The following KRT79 variants were observed in gnomAD, a reference collection of about 807,000 sequenced individuals.
The protein encoded by KRT79 is keratin 79.
KRT79 carries 51 observed loss-of-function variants against 49.0 expected under a neutral mutation model. The observed-to-expected ratio is 1.04, with a 90% CI of 0.83 to 1.31. The LOEUF (loss-of-function observed/expected upper bound fraction) is 1.31, where lower values mean the gene tolerates loss of function less well. KRT79 is among the 40% of genes most tolerant of loss of function. The pLI, the probability that KRT79 is intolerant of heterozygous loss-of-function variation, is 0.00. For missense variants in KRT79, 728 were observed against 688.0 expected, an observed-to-expected ratio of 1.06 and a Z score of -0.65; for synonymous variants, 312 against 286.6, an observed-to-expected ratio of 1.09 and a Z score of -0.90.
At chr12:52,825,755 T>C (rs1940167286) in intron 4 of KRT79, among the ~76,000 whole-genome samples, 1 of 152,112 alleles carries the variant, frequency 6.6e-6, no homozygotes, top group Non-Finnish European at 1.5e-5. Context: ...TGGGAAGATA[T>C]GAGTTTTGGA....
At position 52,823,043 on chromosome 12, in the gene KRT79, C is replaced by A. The variant is rs764247530; in HGVS notation, c.1340G>T (p.Arg447Leu). Residue 447 changes from arginine to leucine, a missense_variant, in exon 7 of 9, where the codon CGC becomes CTC. Transcript: ENST00000330553. The part of the protein sequence containing the change: ...LALDVEIATY[R>L]KLLESEESRM... Reference sequence around the variant, plus strand: ...GCTCTCCTCGCTCTCCAGAAGCTTGCGGTAGGTGGCAATCTCCACGTCCAG... The same window carrying A: ...GCTCTCCTCGCTCTCCAGAAGCTTGAGGTAGGTGGCAATCTCCACGTCCAG... 5 of 1,614,096 alleles carry A rather than the reference C, an allele frequency of 3.1e-6. No individual in the cohort carries two copies. The highest frequency in any genetic ancestry group is 1.7e-5 in the Admixed American group (1 of 60,010).
chr12:52,829,536 T>C (rs927407669), intron 4 of KRT79, among the ~76,000 whole-genome samples: 4 of 152,224 alleles, frequency 2.6e-5, no homozygotes, highest in Non-Finnish European at 1.5e-5. Flanking sequence ...GAGAAGATTA[T>C]GTTAAAAGTT....
rs775607261 is a variant in KRT79, at chr12:52,823,009, C to A, written c.1367+7G>T. On this transcript the variant is annotated splice_region_variant and intron_variant, in intron 7 of 8. Coordinates refer to ENST00000330553, the MANE Select transcript of KRT79 (RefSeq NM_175834.3). The stretch of plus-strand genomic sequence containing the variant: ...AGCTTTCTGGGTCGGGCAGGAGGGG[C>A]CACCACCTGCTCTCCTCGCTCTCCA... The A allele has an allele frequency of 1.9e-6, 3 of 1,613,104 alleles. No homozygotes were observed. The highest frequency in any genetic ancestry group is 2.5e-6 in the Non-Finnish European group (3 of 1,179,802).
At chr12:52,822,443 T>C (rs1230682245) in intron 7 of KRT79, 64 bp from the exon 8 acceptor site, 4 of 1,113,022 alleles carry the variant, frequency 3.6e-6, no homozygotes, top group Non-Finnish European at 5.1e-6. Context: ...GAAAACCCTC[T>C]CCTTCCCTCT....
chr12:52,834,069 G>C lies in KRT79; in HGVS notation c.192C>G (p.Asn64Lys), dbSNP rs146117735. 1,914 of 1,613,460 alleles carry C rather than the reference G, an allele frequency of 1.2e-3. 3 individuals are homozygous for C. Among genetic ancestry groups the C allele is most frequent in the Non-Finnish European group, 1.5e-3 (1,784 of 1,179,918 alleles). The change falls in exon 1 of 9, where the codon AAC (asparagine) becomes AAG (lysine). Residue 64 changes from asparagine to lysine, a missense_variant. Coordinates refer to ENST00000330553, the MANE Select transcript of KRT79 (RefSeq NM_175834.3). ...CAGAGATACTCTTGTGGCCCCCCAA[G>C]TTATAGAGGCTTCGGCTGCCAAAGC... ...TGGFGSRSLY[N>K]LGGHKSISVS... is the part of the protein sequence containing the mutation.
At chr12:52,823,823 G>C in intron 6 of KRT79, 64 bp downstream of exon 6, 3 of 1,556,910 alleles carry the variant, frequency 1.9e-6, no homozygotes, top group Non-Finnish European at 2.6e-6. Context: ...AGCCCCTCGG[G>C]GTGACAATGA....
At chr12:52,828,746 A>G (rs2121284050) in intron 4 of KRT79, among the ~76,000 whole-genome samples, 1 of 152,326 alleles carries the variant, frequency 6.6e-6, no homozygotes, top group South Asian at 2.1e-4. Flanking sequence ...TTCTAAAACA[A>G]CACATAAACT....
At chr12:52,833,459 T>C (rs1037905988) in intron 1 of KRT79, among the ~76,000 whole-genome samples, 1 of 152,194 alleles carries the variant, frequency 6.6e-6, no homozygotes, top group African/African-American at 2.4e-5. Flanking sequence ...GGACAATCCA[T>C]TTTTTGATGA....
chr12:52,824,367 A>G lies in KRT79; in HGVS notation c.856-5T>C. 6.2e-7 allele frequency: 1 copy of G among 1,613,332 alleles called. No homozygotes were observed. The highest frequency in any genetic ancestry group is 8.5e-7 in the Non-Finnish European group (1 of 1,179,416). On this transcript the variant is annotated splice_region_variant and splice_polypyrimidine_tract_variant and intron_variant, in intron 4 of 8. Transcript: ENST00000330553. Reference sequence around the variant, plus strand: ...GGTCTGCACTTGGCTCAGCTCCTGAAGAATCAGAGACAGCTGCCACCAGCA... The same window carrying G: ...GGTCTGCACTTGGCTCAGCTCCTGAGGAATCAGAGACAGCTGCCACCAGCA...
At position 52,827,758 on chromosome 12, in the gene KRT79, C is replaced by A. The variant is rs192147804; in HGVS notation, c.855+2265G>T. ...GAAGATCCAGGAAAGGCCAATCGCT[C>A]AGCTGCTTTGTCATTTGCCTCTTTT... On this transcript the variant is annotated intron_variant, in intron 4 of 8. Transcript: ENST00000330553. Among the ~76,000 whole-genome samples the A allele has an allele frequency of 3.3e-5, 5 of 152,314 alleles. No homozygotes were observed. In the South Asian group the frequency reaches 6.2e-4, roughly 19 times the overall value.
chr12:52,828,511 TA>T (rs1476669478), intron 4 of KRT79, among the ~76,000 whole-genome samples: 2 of 152,152 alleles, frequency 1.3e-5, no homozygotes, highest in Non-Finnish European at 2.9e-5. Flanking sequence ...ATACACTGGA[TA>T]AAAGAATCAA....
rs1479951601 is a variant in KRT79 at position 52,830,020 on chromosome 12, C to T, written c.855+3G>A. The T allele has an allele frequency of 6.2e-7, 1 of 1,614,042 alleles. No individual in the cohort carries two copies. The highest frequency in any genetic ancestry group is 1.3e-5 in the African/African-American group (1 of 75,060). On this transcript the variant is annotated splice_donor_region_variant and intron_variant, in intron 4 of 8. Transcript: ENST00000330553. ...AACTCTCCCTGCCCATTGGCCACCT[C>T]ACCATTTCATAGAGTTGCTGCAGGA...
chr12:52,821,614 A>ACCGG lies in KRT79; in HGVS notation c.*257_*258insCCGG. 5.9e-5 allele frequency: 23 copies of ACCGG among 391,548 alleles called. No individual in the cohort carries two copies. Among genetic ancestry groups the ACCGG allele is most frequent in the South Asian group, 1.6e-4 (5 of 30,828 alleles). The allele number at this position is 391,548 out of a possible 1,614,324, so 24.3% of individuals were successfully genotyped here. ...GAAATTCAGCCTCCTCTCGGTGGTCAAAAGGTCACCCCCAAGTCACCCAAG... is the reference window on the plus strand; with the variant it reads ...GAAATTCAGCCTCCTCTCGGTGGTCACCGGAAAGGTCACCCCCAAGTCACCCAAG... On this transcript the variant is annotated 3_prime_UTR_variant, in exon 9 of 9. Transcript: ENST00000330553.
chr12:52,822,326 G>A lies in KRT79; in HGVS notation c.1402+19C>T, dbSNP rs757152610. ...GGCCTGGCCAGGGGTGGAGCAGGAA[G>A]TGGGGAGTAAATACTCACAAATGCT... On this transcript the variant is annotated intron_variant, in intron 8 of 8. Coordinates refer to ENST00000330553, the MANE Select transcript of KRT79 (RefSeq NM_175834.3). 139 of 1,605,348 alleles carry A rather than the reference G, an allele frequency of 8.7e-5. No homozygotes were observed. Among genetic ancestry groups the A allele is most frequent in the Non-Finnish European group, 1.1e-4 (133 of 1,175,696 alleles).
chr12:52,824,082 G>A, intron 5 of KRT79, 70 bp from the exon 6 acceptor site: 2 of 1,612,854 alleles, frequency 1.2e-6, no homozygotes, highest in Non-Finnish European at 1.7e-6. Flanking sequence ...GAGGCCCCAT[G>A]CAAGTTGAGT....
intron 4 of KRT79, among the ~76,000 whole-genome samples, chr12:52,827,599 GC>G (rs1333799473): frequency 6.6e-6 from 1 of 152,138 alleles, no homozygotes; most frequent in Non-Finnish European, 1.5e-5. Context: ...ATCCAGACAG[GC>G]CGTGCAGAGA....
chr12:52,823,911 C>A lies in KRT79; in HGVS notation c.1122G>T (p.Gly374=). Residue 374 remains glycine (G), a synonymous_variant, in exon 6 of 9, where the codon GGG becomes GGT. Coordinates refer to ENST00000330553, the MANE Select transcript of KRT79 (RefSeq NM_175834.3). The stretch of plus-strand genomic sequence containing the variant: ...CCTGCTTCTTGGCTGCATCAGCCTC[C>A]CCCTGCAGCCTCTGGATAGTGCGGG... ...ELTRTIQRLQ[G]EADAAKKQCQ... 2 of 1,613,868 alleles carry A rather than the reference C, an allele frequency of 1.2e-6. No individual in the cohort carries two copies. Among genetic ancestry groups the A allele is most frequent in the Non-Finnish European group, 1.7e-6 (2 of 1,179,974 alleles).
rs1940300118 is a variant in KRT79, at chr12:52,834,094, C to T, written c.167G>A (p.Gly56Asp). The T allele has an allele frequency of 1.9e-6, 3 of 1,613,278 alleles. No individual in the cohort carries two copies. In the South Asian group the frequency reaches 3.3e-5, roughly 18 times the overall value. Residue 56 changes from glycine (G) to aspartate (D), a missense_variant, in exon 1 of 9, where the codon GGC (glycine) becomes GAC (aspartate). Gly to Asp is a moderately conservative substitution (Grantham distance 94, BLOSUM62 -1). Transcript: ENST00000330553. ...GTTATAGAGGCTTCGGCTGCCAAAG[C>T]CACCTGTGCCGGGGCCACAGTGGGC... is the stretch of plus-strand genomic sequence containing the variant. ...GGAHCGPGTG[G>D]FGSRSLYNLG...
In KRT79 at chr12:52,828,082, C is replaced by G. The variant is rs572885592; in HGVS notation, c.855+1941G>C. On this transcript the variant is annotated intron_variant, in intron 4 of 8. Coordinates refer to ENST00000330553, the MANE Select transcript of KRT79 (RefSeq NM_175834.3). ...AAGGCTGACATCAACCTCCTCCAGACCCATAGAATGAATTCCTAAATGTGT... is the reference window on the plus strand; with the variant it reads ...AAGGCTGACATCAACCTCCTCCAGAGCCATAGAATGAATTCCTAAATGTGT... Among the ~76,000 whole-genome samples, 15 of 152,270 alleles carry G rather than the reference C, an allele frequency of 9.9e-5. No individual in the cohort carries two copies. The East Asian group carries it at 2.5e-3, about 25-fold the overall frequency.
Sources: gnomAD v4.1 joint callset for allele counts (sites outside exome capture counted in the v4.1 genomes callset) on GRCh38, gnomAD v4.1.1 for gene constraint, MANE v1.5 for transcripts, NCBI Gene and HGNC (gene_info 2026-07-23, HGNC 2026-07-21) for gene names.